Variants in CPSF2 observed in about 807,000 individuals in gnomAD.
CPSF2 encodes the protein cleavage and polyadenylation specificity factor subunit 2.
Under a neutral mutation model 84.2 loss-of-function variants are expected in CPSF2, and 51 were observed. The ratio of observed to expected loss-of-function variants is 0.61; its 90% CI spans 0.48 to 0.77. CPSF2 has a LOEUF of 0.77. Ranked by LOEUF, CPSF2 falls within the 30% of genes least tolerant of loss-of-function variation. The pLI, the probability that CPSF2 is intolerant of heterozygous loss-of-function variation, is 0.00. For synonymous variants in CPSF2, 286 were observed against 311.9 expected (o/e 0.92, Z 0.87); for missense variants, 641 against 929.4 (o/e 0.69, Z 4.03).
intron 3 of CPSF2, among the ~76,000 whole-genome samples, chr14:92,132,639 G>A (rs1237290579): frequency 2.0e-5 from 3 of 151,582 alleles, no homozygotes; most frequent in African/African-American, 7.3e-5. Flanking sequence ...AGGCATGGTG[G>A]TGCATGCCTG....
At position 92,163,291 on chromosome 14, in the gene CPSF2, A is replaced by T. The variant is rs949172439; in HGVS notation, c.*1547A>T. 6.6e-6 allele frequency: 1 copy of T among 152,516 alleles called. No individual in the cohort carries two copies. The highest frequency in any genetic ancestry group is 2.4e-5 in the African/African-American group (1 of 41,444). The allele number at this position is 152,516 out of a possible 1,614,324, so 9.4% of individuals were successfully genotyped here. The stretch of plus-strand genomic sequence containing the variant: ...CAGACTCGAATTACTATTTCATTCT[A>T]TTTCAAATGCTTATAAAGCTACTAT... On this transcript the variant is annotated 3_prime_UTR_variant, in exon 16 of 16. Transcript: ENST00000298875.
intron 5 of CPSF2, 86 bp from the exon 6 acceptor site, chr14:92,135,281 C>T (rs2068984202): frequency 8.2e-7 from 1 of 1,220,926 alleles, no homozygotes; most frequent in South Asian, 1.6e-5. Flanking sequence ...TACAGTATTA[C>T]CTATTAAAAT....
At chr14:92,126,008 A>G (rs1280497798) in intron 1 of CPSF2, 114 bp from the exon 2 acceptor site, 1 of 152,248 alleles carries the variant, frequency 6.6e-6, no homozygotes, top group Non-Finnish European at 1.5e-5. Context: ...ACCACGTATT[A>G]TACTACTTGC....
At chr14:92,159,567 G>A (rs574397500) in intron 14 of CPSF2, among the ~76,000 whole-genome samples, 78 of 152,272 alleles carry the variant, frequency 5.1e-4, no homozygotes, top group African/African-American at 1.8e-3. Context: ...GCATGCACCT[G>A]TAATCTCAGC....
rs143837744 is a variant in CPSF2, at chr14:92,158,859, G to A, written c.1822-124G>A. On this transcript the variant is annotated intron_variant, in intron 13 of 15. Transcript: ENST00000298875. ...TCATTGCAGGTCATTGTGGGACTCA[G>A]ATGAGTGAAAGATTTTCCAATTTTA... 27 of 840,708 alleles carry A rather than the reference G, an allele frequency of 3.2e-5. No homozygotes were observed. In the African/African-American group the frequency reaches 3.6e-4, roughly 11 times the overall value. The allele number at this position is 840,708 out of a possible 1,614,324, so 52.1% of individuals were successfully genotyped here. A position where few individuals can be genotyped will look rare whatever the true frequency, so the allele number is the denominator to read the frequency against.
Position 92,155,279 on chromosome 14 carries a change from C to T in CPSF2, c.1398C>T (p.Ala466=), listed in dbSNP as rs2069274470. ...AAAAGTCCTATCCTATGTTTCCTGC[C>T]CCAGAAGAAAGAATTAAATGGGATG... The part of the protein sequence containing the change: ...QAKKSYPMFP[A]PEERIKWDEY... The change falls in exon 11 of 16, where the codon GCC becomes GCT. Residue 466 remains alanine (A), a synonymous_variant. Coordinates refer to ENST00000298875, the MANE Select transcript of CPSF2 (RefSeq NM_017437.3). 1 of 1,613,824 alleles carries T rather than the reference C, an allele frequency of 6.2e-7. No individual in the cohort carries two copies. The highest frequency in any genetic ancestry group is 8.5e-7 in the Non-Finnish European group (1 of 1,179,954).
chr14:92,170,669 G>T lies in CPSF2; in HGVS notation c.*8925G>T, dbSNP rs2069506321. The T allele has an allele frequency of 6.6e-6, 1 of 152,140 alleles. No homozygotes were observed. The allele number at this position is 152,140 out of a possible 1,614,324, so 9.4% of individuals were successfully genotyped here. A position where few individuals can be genotyped will look rare whatever the true frequency, so the allele number is the denominator to read the frequency against. ...TGTGACCTTGACATTTTTGAAGAATGCAGGCCAGGTACTTTGTAGAATGAT... is the reference window on the plus strand; with the variant it reads ...TGTGACCTTGACATTTTTGAAGAATTCAGGCCAGGTACTTTGTAGAATGAT... On this transcript the variant is annotated 3_prime_UTR_variant, in exon 16 of 16. Transcript: ENST00000298875.
At chr14:92,128,938 C>G (rs1033477713) in intron 2 of CPSF2, among the ~76,000 whole-genome samples, 4 of 152,080 alleles carry the variant, frequency 2.6e-5, no homozygotes, top group African/African-American at 9.7e-5. Context: ...CTGAGAGGAA[C>G]AACGGGTCAT....
intron 9 of CPSF2, among the ~76,000 whole-genome samples, chr14:92,147,786 T>C (rs1203050831): frequency 6.6e-6 from 1 of 152,234 alleles, no homozygotes; most frequent in East Asian, 1.9e-4. Context: ...TGCAGTTGCA[T>C]GATCATAGCT....
chr14:92,171,580 G>A lies in CPSF2; in HGVS notation c.*9836G>A, dbSNP rs2069517388. 6.6e-6 allele frequency: 1 copy of A among 152,086 alleles called. No individual in the cohort carries two copies. Among genetic ancestry groups the A allele is most frequent in the Admixed American group, 6.6e-5 (1 of 15,254 alleles). The allele number at this position is 152,086 out of a possible 1,614,324, so 9.4% of individuals were successfully genotyped here. ...CTGACATCAGCCATTTCTCCAAAGA[G>A]TCCTGGTTCATATTAGTGGAGAATG... On this transcript the variant is annotated 3_prime_UTR_variant, in exon 16 of 16. Transcript: ENST00000298875.
At chr14:92,145,916 T>G (rs1478841200) in intron 9 of CPSF2, among the ~76,000 whole-genome samples, 1 of 152,198 alleles carries the variant, frequency 6.6e-6, no homozygotes, top group Non-Finnish European at 1.5e-5. Context: ...CAGTTATCCC[T>G]CCTATCTTCA....
At chr14:92,144,419 T>C (rs1484458322) in intron 9 of CPSF2, among the ~76,000 whole-genome samples, 1 of 152,232 alleles carries the variant, frequency 6.6e-6, no homozygotes, top group Non-Finnish European at 1.5e-5. Context: ...ACCTCAAGCA[T>C]ATCATTCTGA....
intron 2 of CPSF2, among the ~76,000 whole-genome samples, chr14:92,130,358 G>C (rs1230463796): frequency 6.6e-6 from 1 of 152,114 alleles, no homozygotes; most frequent in Non-Finnish European, 1.5e-5. Context: ...AGGACCACTG[G>C]TCTAATTAAT....
At chr14:92,129,852 A>G (rs554962512) in intron 2 of CPSF2, among the ~76,000 whole-genome samples, 3 of 152,058 alleles carry the variant, frequency 2.0e-5, no homozygotes, top group Non-Finnish European at 2.9e-5. Flanking sequence ...GGCTCAAGCA[A>G]TTCTCTCATC....
Position 92,145,607 on chromosome 14 carries a change from G to C in CPSF2, c.1140+2313G>C, listed in dbSNP as rs948101208. ...ATGGTGTCTTTGGGGTTATTTAGTA[G>C]CTCAGAAATACAAGGTTAAAAGAAC... is the stretch of plus-strand genomic sequence containing the variant. On this transcript the variant is annotated intron_variant, in intron 9 of 15. Transcript: ENST00000298875. Among the ~76,000 whole-genome samples the C allele has an allele frequency of 3.8e-4, 58 of 152,106 alleles. 1 individual carries two copies. The highest frequency in any genetic ancestry group is 7.9e-4 in the Non-Finnish European group (54 of 68,026).
Position 92,136,695 on chromosome 14 carries a change from A to G in CPSF2, c.545+1199A>G, listed in dbSNP as rs1460496743. Among the ~76,000 whole-genome samples, 3 of 152,128 alleles carry G rather than the reference A, an allele frequency of 2.0e-5. No homozygotes were observed. In the East Asian group the frequency reaches 5.8e-4, roughly 29 times the overall value. ...TTCTCCTGACCCCTTCCTTTAAAATAGTTACTTTTGTTTTAAGTTTTCATT... is the reference window on the plus strand; with the variant it reads ...TTCTCCTGACCCCTTCCTTTAAAATGGTTACTTTTGTTTTAAGTTTTCATT... On this transcript the variant is annotated intron_variant, in intron 6 of 15. Coordinates refer to ENST00000298875, the MANE Select transcript of CPSF2 (RefSeq NM_017437.3).
chr14:92,140,804 C>G (rs536223944), intron 7 of CPSF2, among the ~76,000 whole-genome samples: 121 of 151,916 alleles, frequency 8.0e-4, no homozygotes, highest in South Asian at 1.5e-3. Context: ...GTTCCAGCTG[C>G]TTGGGAGGCT....
chr14:92,134,868 T>A (rs1230811638), intron 5 of CPSF2, among the ~76,000 whole-genome samples: 2 of 152,212 alleles, frequency 1.3e-5, no homozygotes, highest in Non-Finnish European at 2.9e-5. Context: ...CTGGCATTGA[T>A]AAAATGGTGC....
intron 2 of CPSF2, among the ~76,000 whole-genome samples, chr14:92,127,569 A>G (rs1232854958): frequency 6.6e-6 from 1 of 152,202 alleles, no homozygotes; most frequent in Non-Finnish European, 1.5e-5. Flanking sequence ...GTGAAAGGGA[A>G]ACCCAAAAAT....
Sources: allele counts gnomAD v4.1 joint callset (sites outside exome capture counted in the v4.1 genomes callset), GRCh38; gene constraint gnomAD v4.1.1; transcripts MANE v1.5; gene names NCBI Gene and HGNC (gene_info 2026-07-23, HGNC 2026-07-21).